CHIC1: variants seen among roughly 807,000 people sequenced by gnomAD.
CHIC1 encodes the protein cysteine rich hydrophobic domain 1, also known as cysteine-rich hydrophobic domain-containing protein 1.
A neutral mutation model predicts 18.5 loss-of-function variants in CHIC1; 7 were observed. The ratio of observed to expected loss-of-function variants is 0.38; its 90% confidence interval spans 0.22 to 0.71. CHIC1 has a LOEUF of 0.71. Among genes scored for constraint, CHIC1 ranks in the 30% least tolerant of loss-of-function variants. The pLI is 0.49. For synonymous variants in CHIC1, 77 were observed against 73.5 expected, an observed-to-expected ratio of 1.05 and a Z score of -0.25; for missense variants, 159 against 176.9, an observed-to-expected ratio of 0.90 and a Z score of 0.57.
chrX:73,601,059 G>A (rs2057645281), intron 3 of CHIC1, among the ~76,000 whole-genome samples: 1 of 107,188 alleles, frequency 9.3e-6, no homozygotes, highest in South Asian at 4.0e-4. Flanking sequence ...GATTCATAAA[G>A]CAAGTCCTGA....
In CHIC1 at chrX:73,610,831, C is replaced by A. The variant is rs1469063642; in HGVS notation, c.507+26259C>A. ...GGTAGGTTATAGTGTCCTGGAATAT[C>A]CATTTGCTCTAGGTTTTCTAGTTTT... On this transcript the variant is annotated intron_variant, in intron 3 of 5. Transcript: ENST00000373502. Among the ~76,000 whole-genome samples, 8 of 107,686 alleles carry A rather than the reference C, an allele frequency of 7.4e-5. 1 individual carries two copies. Among genetic ancestry groups the A allele is most frequent in the African/African-American group, 2.9e-4 (8 of 27,652 alleles). The allele number at this position is 107,686 out of a possible 115,157, so 93.5% of individuals were successfully genotyped here. A position where few individuals can be genotyped will look rare whatever the true frequency, so the allele number is the denominator to read the frequency against.
At chrX:73,599,031 G>C (rs1455121953) in intron 3 of CHIC1, among the ~76,000 whole-genome samples, 2 of 109,065 alleles carry the variant, frequency 1.8e-5, no homozygotes, top group African/African-American at 6.8e-5. Flanking sequence ...ATTCTAACTT[G>C]TGTGAGATGG....
At chrX:73,676,569 G>A (rs1257785923) in intron 3 of CHIC1, among the ~76,000 whole-genome samples, 1 of 111,674 alleles carries the variant, frequency 9.0e-6, no homozygotes, top group Non-Finnish European at 1.9e-5. Context: ...TCGTGCCTTG[G>A]TTTTCAGCTC....
intron 3 of CHIC1, among the ~76,000 whole-genome samples, chrX:73,596,547 T>C (rs2057609924): frequency 9.0e-6 from 1 of 111,121 alleles, no homozygotes; most frequent in South Asian, 3.8e-4. Context: ...CATATAGAAC[T>C]CAAAAAGAGC....
At chrX:73,625,811 G>A (rs2057780942) in intron 3 of CHIC1, among the ~76,000 whole-genome samples, 1 of 110,935 alleles carries the variant, frequency 9.0e-6, no homozygotes, top group African/African-American at 3.3e-5. Context: ...TGCCTTTTAA[G>A]AGGGGCCTTT....
chrX:73,670,051 G>A (rs2058022647), intron 3 of CHIC1, among the ~76,000 whole-genome samples: 1 of 111,774 alleles, frequency 8.9e-6, no homozygotes, highest in African/African-American at 3.3e-5. Context: ...AGACTCTGGT[G>A]GCATGGGCTC....
chrX:73,658,879 G>A lies in CHIC1; in HGVS notation c.508-20447G>A, dbSNP rs559634940. On this transcript the variant is annotated intron_variant, in intron 3 of 5. Transcript: ENST00000373502. ...GAACTTCTTGATTTCTTTCTGCCAA[G>A]TCTGACTGGCAGACCCTGGCCAAGC... Among the ~76,000 whole-genome samples, 12 of 111,795 alleles carry A rather than the reference G, an allele frequency of 1.1e-4. No individual in the cohort carries two copies. The South Asian group carries it at 4.5e-3, about 42-fold the overall frequency.
intron 3 of CHIC1, among the ~76,000 whole-genome samples, chrX:73,626,045 C>T (rs781316000): frequency 5.4e-5 from 6 of 110,760 alleles, no homozygotes; most frequent in Admixed American, 1.9e-4. Context: ...GAAAGGGGTC[C>T]GGATCCAGAC....
chrX:73,563,195 T>C (rs2057424215), upstream of CHIC1: 54 of 827,704 alleles, frequency 6.5e-5, no homozygotes, highest in Non-Finnish European at 7.9e-5. Flanking sequence ...CCCCTCCTCT[T>C]TCTCTTCATT....
intron 2 of CHIC1, among the ~76,000 whole-genome samples, chrX:73,581,801 A>C (rs1009428521): frequency 7.2e-5 from 8 of 111,266 alleles, no homozygotes; most frequent in African/African-American, 2.6e-4. Context: ...TAAAAAGAAG[A>C]AAGTGTTGGC....
intron 1 of CHIC1, among the ~76,000 whole-genome samples, chrX:73,574,062 G>T (rs956728311): frequency 1.8e-5 from 2 of 110,405 alleles, no homozygotes; most frequent in Non-Finnish European, 3.8e-5. Context: ...GTGGCTGTGC[G>T]TTTCTCATAC....
intron 3 of CHIC1, among the ~76,000 whole-genome samples, chrX:73,601,760 A>G (rs2057652020): frequency 9.3e-6 from 1 of 107,195 alleles, no homozygotes; most frequent in Non-Finnish European, 1.9e-5. Flanking sequence ...CAAAAAATTA[A>G]TGAATCCAGG....
chrX:73,614,377 T>G (rs1346879316), intron 3 of CHIC1, among the ~76,000 whole-genome samples: 4 of 111,368 alleles, frequency 3.6e-5, no homozygotes, highest in Non-Finnish European at 7.5e-5. Context: ...TATTTGGAGA[T>G]CTCTGATCTT....
Position 73,681,220 on chromosome X carries a change from C to T in CHIC1, c.*215C>T, listed in dbSNP as rs2058098147. The T allele has an allele frequency of 2.8e-6, 1 of 358,289 alleles. No homozygotes were observed. Among genetic ancestry groups the T allele is most frequent in the East Asian group, 4.9e-5 (1 of 20,432 alleles). The allele number at this position is 358,289 out of a possible 1,213,427, so 29.5% of individuals were successfully genotyped here. A position where few individuals can be genotyped will look rare whatever the true frequency, so the allele number is the denominator to read the frequency against. On this transcript the variant is annotated 3_prime_UTR_variant, in exon 6 of 6. Transcript: ENST00000373502. ...TGTTTTGCACTCTCAATTTTAAATACACACACATGCGTGTGTGCATATACA... is the reference window on the plus strand; with the variant it reads ...TGTTTTGCACTCTCAATTTTAAATATACACACATGCGTGTGTGCATATACA...
chrX:73,630,591 C>T (rs2057802476), intron 3 of CHIC1, among the ~76,000 whole-genome samples: 1 of 111,419 alleles, frequency 9.0e-6, no homozygotes, highest in South Asian at 3.8e-4. Context: ...AAAAATCTTA[C>T]ATGATTGTGG....
chrX:73,619,934 A>G (rs756864149), intron 3 of CHIC1, among the ~76,000 whole-genome samples: 69 of 110,417 alleles, frequency 6.2e-4, no homozygotes, highest in Non-Finnish European at 1.1e-3. Flanking sequence ...TTCAGGTCCC[A>G]CTAATGAGTG....
intron 3 of CHIC1, among the ~76,000 whole-genome samples, chrX:73,643,455 C>G (rs1408811365): frequency 9.0e-6 from 1 of 111,518 alleles, no homozygotes; most frequent in East Asian, 2.8e-4. Context: ...TAATATCCTG[C>G]AGAGTGTTTT....
rs376441074 is a variant in CHIC1, at chrX:73,577,390, C to T, written c.297-17C>T. The stretch of plus-strand genomic sequence containing the variant: ...TATGCTGGGTAGAACATATTTTGTT[C>T]TGTGTTTGTTTTGAAGGTTTGGCTT... On this transcript the variant is annotated splice_polypyrimidine_tract_variant and intron_variant, in intron 1 of 5. Transcript: ENST00000373502. 9 of 1,164,533 alleles carry T rather than the reference C, an allele frequency of 7.7e-6. No individual in the cohort carries two copies. In the African/African-American group the frequency reaches 1.6e-4, roughly 21 times the overall value.
chrX:73,596,140 T>TA (rs2057607227), intron 3 of CHIC1, among the ~76,000 whole-genome samples: 1 of 111,770 alleles, frequency 8.9e-6, no homozygotes, highest in African/African-American at 3.2e-5. Flanking sequence ...ACTCTGATGA[T>TA]AGTTAAACTT....
Sources: allele counts gnomAD v4.1 joint callset (sites outside exome capture counted in the v4.1 genomes callset), GRCh38; gene constraint gnomAD v4.1.1; transcripts MANE v1.5; gene names NCBI Gene and HGNC (gene_info 2026-07-23, HGNC 2026-07-21).